Variants in GPC1 observed in about 807,000 individuals in gnomAD.
The protein encoded by GPC1 is glypican 1, also known as glypican-1.
A neutral mutation model predicts 51.5 loss-of-function variants in GPC1; 26 were observed. That is an observed-to-expected ratio of 0.50 (90% CI 0.37 to 0.70). The LOEUF (loss-of-function observed/expected upper bound fraction) is 0.70. Ranked by LOEUF, GPC1 falls within the 30% of genes least tolerant of loss-of-function variation. The pLI is 0.00. For missense variants in GPC1, 775 were observed against 800.5 expected, an observed-to-expected ratio of 0.97 and a Z score of 0.38; for synonymous variants, 380 against 348.3, an observed-to-expected ratio of 1.09 and a Z score of -1.01.
chr2:240,438,173 C>G (rs2073995779), intron 1 of GPC1, among the ~76,000 whole-genome samples: 1 of 152,216 alleles, frequency 6.6e-6, no homozygotes, highest in Non-Finnish European at 1.5e-5. Context: ...CCACCCTCCT[C>G]CAGACTTGCA....
intron 1 of GPC1, among the ~76,000 whole-genome samples, chr2:240,446,260 TGA>T (rs1445271543): frequency 6.6e-6 from 1 of 152,052 alleles, no homozygotes; most frequent in Non-Finnish European, 1.5e-5. Flanking sequence ...GCCGTGCGAG[TGA>T]GAGGGACACA....
rs774381819 is a variant in GPC1, at chr2:240,462,186, C to G, written c.326-5C>G. 11 of 1,581,068 alleles carry G rather than the reference C, an allele frequency of 7.0e-6. No individual in the cohort carries two copies. The highest frequency in any genetic ancestry group is 1.7e-5 in the Admixed American group (1 of 58,302). On this transcript the variant is annotated splice_region_variant and splice_polypyrimidine_tract_variant and intron_variant, in intron 2 of 8. Coordinates refer to ENST00000264039, the MANE Select transcript of GPC1 (RefSeq NM_002081.3). Reference sequence around the variant, plus strand: ...GTCCCGATCACGCCCCCTCCCTGTGCGCAGACCACTTCCAGCACCTGCTGA... The same window carrying G: ...GTCCCGATCACGCCCCCTCCCTGTGGGCAGACCACTTCCAGCACCTGCTGA...
chr2:240,435,877 G>C lies in GPC1; in HGVS notation c.-42G>C. On this transcript the variant is annotated 5_prime_UTR_variant, in exon 1 of 9. Coordinates refer to ENST00000264039, the MANE Select transcript of GPC1 (RefSeq NM_002081.3). Reference sequence around the variant, plus strand: ...TGCGCAGGACCCGGCCAGGATCCGAGAGAGGCGCGGGCGGGTGGCCGGGGG... The same window carrying C: ...TGCGCAGGACCCGGCCAGGATCCGACAGAGGCGCGGGCGGGTGGCCGGGGG... 8.4e-7 allele frequency: 1 copy of C among 1,193,190 alleles called. No homozygotes were observed. Among genetic ancestry groups the C allele is most frequent in the Non-Finnish European group, 1.0e-6 (1 of 954,868 alleles). The allele number at this position is 1,193,190 out of a possible 1,614,324, so 73.9% of individuals were successfully genotyped here.
At chr2:240,445,943 TCA>T (rs1462480355) in intron 1 of GPC1, among the ~76,000 whole-genome samples, 1 of 152,250 alleles carries the variant, frequency 6.6e-6, no homozygotes, top group Non-Finnish European at 1.5e-5. Context: ...ATTCGTTGTA[TCA>T]CATTCTGGTA....
In GPC1 at chr2:240,459,050, C is replaced by T. The variant is rs1045890481; in HGVS notation, c.187C>T (p.Pro63Ser). 3 of 1,612,802 alleles carry T rather than the reference C, an allele frequency of 1.9e-6. No individual in the cohort carries two copies. The highest frequency in any genetic ancestry group is 2.5e-6 in the Non-Finnish European group (3 of 1,179,842). ...CACAGGTGAGCACCTGCGGATCTGT[C>T]CCCAGGGCTACACCTGCTGCACCAG... ...EISGEHLRIC[P>S]QGYTCCTSEM... The change falls in exon 2 of 9, where the codon CCC becomes TCC. Residue 63 changes from proline (P) to serine (S), a missense_variant. By Grantham distance (74) the Pro-to-Ser change is moderately conservative. Coordinates refer to ENST00000264039, the MANE Select transcript of GPC1 (RefSeq NM_002081.3).
At chr2:240,451,186 G>C (rs568088741) in intron 1 of GPC1, 9 of 471,228 alleles carry the variant, frequency 1.9e-5, no homozygotes, top group African/African-American at 1.6e-4. Flanking sequence ...GGCACCCAAG[G>C]GTTTGCTCTG....
chr2:240,447,206 T>C (rs1252461534), intron 1 of GPC1, among the ~76,000 whole-genome samples: 1 of 151,874 alleles, frequency 6.6e-6, no homozygotes, highest in Non-Finnish European at 1.5e-5. Context: ...GAGGTCTGAG[T>C]CGAAATTGAG....
At chr2:240,455,353 G>C (rs1369002718) in intron 1 of GPC1, among the ~76,000 whole-genome samples, 1 of 152,236 alleles carries the variant, frequency 6.6e-6, no homozygotes, top group East Asian at 1.9e-4. Flanking sequence ...CAGGGATCAG[G>C]GAAGAGAGGG....
chr2:240,449,138 A>G (rs2074073511), intron 1 of GPC1, among the ~76,000 whole-genome samples: 1 of 152,210 alleles, frequency 6.6e-6, no homozygotes, highest in Admixed American at 6.5e-5. Context: ...ACTGCTCTCC[A>G]AGGAGGCTGG....
At chr2:240,458,373 G>A (rs1366042201) in intron 1 of GPC1, 1 of 245,152 alleles carries the variant, frequency 4.1e-6, no homozygotes, top group African/African-American at 2.2e-5. Context: ...CTCATGGCAG[G>A]CTGCAGAGGA....
intron 1 of GPC1, chr2:240,449,872 T>G (rs773266433): frequency 1.7e-5 from 8 of 470,848 alleles, no homozygotes; most frequent in South Asian, 1.2e-4. Flanking sequence ...CCGGAGCATG[T>G]GTCAGAATTT....
chr2:240,462,123 C>A (rs895062099), intron 2 of GPC1, 68 bp from the exon 3 acceptor site: 52 of 1,432,690 alleles, frequency 3.6e-5, no homozygotes, highest in Middle Eastern at 2.6e-4. Flanking sequence ...GGGCTGAGTC[C>A]CCTGCTCTGG....
intron 1 of GPC1, among the ~76,000 whole-genome samples, chr2:240,437,644 G>C (rs529377664): frequency 2.0e-5 from 3 of 152,288 alleles, no homozygotes; most frequent in African/African-American, 7.2e-5. Flanking sequence ...TTCGTTCTCT[G>C]CCCCTCTACT....
chr2:240,442,077 C>T (rs376109059), intron 1 of GPC1, among the ~76,000 whole-genome samples: 1 of 152,198 alleles, frequency 6.6e-6, no homozygotes, highest in Non-Finnish European at 1.5e-5. Context: ...GCTCCATCTC[C>T]CGCCAGCTCC....
chr2:240,464,993 G>C lies in GPC1; in HGVS notation c.1134+18G>C. On this transcript the variant is annotated intron_variant, in intron 6 of 8. Coordinates refer to ENST00000264039, the MANE Select transcript of GPC1 (RefSeq NM_002081.3). Reference sequence around the variant, plus strand: ...AGAAGCTGGTGAGTGGCCCCTGCGTGTCCACTGGACCAGGCATGAGGGAGG... The same window carrying C: ...AGAAGCTGGTGAGTGGCCCCTGCGTCTCCACTGGACCAGGCATGAGGGAGG... 2 of 1,563,888 alleles carry C rather than the reference G, an allele frequency of 1.3e-6. No individual in the cohort carries two copies. Among genetic ancestry groups the C allele is most frequent in the Non-Finnish European group, 1.7e-6 (2 of 1,154,622 alleles).
Position 240,465,551 on chromosome 2 carries a change from G to A in GPC1, c.1347G>A (p.Pro449=), listed in dbSNP as rs144488064. ...AGGTGGAGGTGGACATCACCAAGCC[G>A]GACATGACCATCCGGCAGCAGATCA... The part of the protein sequence containing the change: ...NPEVEVDITK[P]DMTIRQQIMQ... The change falls in exon 8 of 9, where the codon CCG becomes CCA. Residue 449 remains proline (P), a synonymous_variant. Coordinates refer to ENST00000264039, the MANE Select transcript of GPC1 (RefSeq NM_002081.3). 1.4e-4 allele frequency: 221 copies of A among 1,613,060 alleles called. No individual in the cohort carries two copies. Among genetic ancestry groups the A allele is most frequent in the Middle Eastern group, 8.2e-4 (5 of 6,084 alleles).
In GPC1 at chr2:240,465,502, T is replaced by C. The variant is rs1292224882; in HGVS notation, c.1298T>C (p.Leu433Pro). Residue 433 changes from leucine to proline, a missense_variant, in exon 8 of 9, where the codon CTG (leucine) becomes CCG (proline). Transcript: ENST00000264039. ...RYLPEVMGDG[L>P]ANQINNPEVE... ...CTCCCCGAGGTCATGGGTGACGGCC[T>C]GGCCAACCAGATCAACAACCCCGAG... 2.5e-6 allele frequency: 4 copies of C among 1,613,140 alleles called. No individual in the cohort carries two copies. In the South Asian group the frequency reaches 4.4e-5, roughly 18 times the overall value.
rs1008317339 is a variant in GPC1, at chr2:240,457,426, G to A, written c.167-1604G>A. ...CTGAGTGTGTGTACTTAGAGGGTGC[G>A]GAAGATCAGCAAACTCAGTCTGACC... On this transcript the variant is annotated intron_variant, in intron 1 of 8. Coordinates refer to ENST00000264039, the MANE Select transcript of GPC1 (RefSeq NM_002081.3). 7 of 470,502 alleles carry A rather than the reference G, an allele frequency of 1.5e-5. No homozygotes were observed. The East Asian group carries it at 2.8e-4, about 19-fold the overall frequency. The allele number at this position is 470,502 out of a possible 1,614,324, so 29.1% of individuals were successfully genotyped here. A position where few individuals can be genotyped will look rare whatever the true frequency, so the allele number is the denominator to read the frequency against.
intron 7 of GPC1, 122 bp downstream of exon 7, chr2:240,465,332 C>T (rs1376892350): frequency 2.2e-6 from 3 of 1,358,938 alleles, no homozygotes; most frequent in Non-Finnish European, 3.0e-6. Flanking sequence ...CCCCACTTCT[C>T]TGCGGCCTGT....
Sources: allele counts gnomAD v4.1 joint callset (sites outside exome capture counted in the v4.1 genomes callset), GRCh38; gene constraint gnomAD v4.1.1; transcripts MANE v1.5; gene names NCBI Gene and HGNC (gene_info 2026-07-23, HGNC 2026-07-21).